RBFOX1: variants seen among roughly 807,000 people sequenced by gnomAD.
RBFOX1 encodes the protein RNA binding protein fox-1 homolog 1.
RBFOX1 carries 8 observed loss-of-function variants against 57.7 expected under a neutral mutation model. That is an observed-to-expected ratio of 0.14 (90% confidence interval 0.08 to 0.25). The LOEUF (loss-of-function observed/expected upper bound fraction) is 0.25, where lower values mean the gene tolerates loss of function less well. RBFOX1 is among the 10% of genes least tolerant of loss of function. The pLI, the probability that RBFOX1 is intolerant of heterozygous loss-of-function variation, is 1.00. For missense variants in RBFOX1, 611 were observed against 548.5 expected, an observed-to-expected ratio of 1.11 and a Z score of -1.14; for synonymous variants, 326 against 222.4, an observed-to-expected ratio of 1.47 and a Z score of -4.15.
chr16:6,018,370 C>T (rs1007073863), upstream of RBFOX1, among the ~76,000 whole-genome samples: 1 of 152,134 alleles, frequency 6.6e-6, no homozygotes, highest in Admixed American at 6.5e-5. Context: ...GAAAAGACTC[C>T]ATGTAAAGTG....
At chr16:5,540,413 C>T (rs953406024) in intron 2 of RBFOX1, among the ~76,000 whole-genome samples, 1 of 152,140 alleles carries the variant, frequency 6.6e-6, no homozygotes, top group African/African-American at 2.4e-5. Flanking sequence ...ACAGAATTTT[C>T]GTTTGTTGGT....
intron 2 of RBFOX1, among the ~76,000 whole-genome samples, chr16:6,410,081 C>G (rs568634123): frequency 6.6e-6 from 1 of 152,152 alleles, no homozygotes; most frequent in Admixed American, 6.5e-5. Flanking sequence ...AGAACCATCT[C>G]ACATTCCTGG....
rs990018127 is a variant in RBFOX1, at chr16:6,355,525, A to G, written c.-64+38468A>G. On this transcript the variant is annotated intron_variant, in intron 2 of 15. Transcript: ENST00000550418. ...TATGTGTGCCACATTTTCTTCATCC[A>G]GTCTATTATTGAGGGACATTTGGGT... is the stretch of plus-strand genomic sequence containing the variant. Among the ~76,000 whole-genome samples, 12 of 152,276 alleles carry G rather than the reference A, an allele frequency of 7.9e-5. No homozygotes were observed. The East Asian group carries it at 2.1e-3, about 27-fold the overall frequency.
At chr16:6,727,546 G>C (rs1350705319) in intron 3 of RBFOX1, among the ~76,000 whole-genome samples, 2 of 152,092 alleles carry the variant, frequency 1.3e-5, no homozygotes, top group Non-Finnish European at 2.9e-5. Context: ...TTAATGAGGG[G>C]AGAGGGAACC....
At chr16:7,439,284 C>T (rs889518487) in intron 4 of RBFOX1, among the ~76,000 whole-genome samples, 10 of 151,514 alleles carry the variant, frequency 6.6e-5, no homozygotes, top group South Asian at 2.1e-4. Flanking sequence ...GTGCCAGTGA[C>T]GGTGATTTGA....
rs536696543 is a variant in RBFOX1 at position 6,961,336 on chromosome 16, C to T, written c.-15-90721C>T. 3.9e-5 allele frequency among the ~76,000 whole-genome samples: 6 copies of T among 152,260 alleles called. No homozygotes were observed. The East Asian group carries it at 9.7e-4, about 25-fold the overall frequency. ...GGCCATGCAAGTGGAGCCCCTGGGT[C>T]CCTGCGTCCACTCCAGACCGTGTTC... On this transcript the variant is annotated intron_variant, in intron 3 of 15. Coordinates refer to ENST00000550418, the MANE Select transcript of RBFOX1 (RefSeq NM_018723.4).
chr16:5,528,883 C>G (rs1402994648), intron 2 of RBFOX1, among the ~76,000 whole-genome samples: 3 of 152,138 alleles, frequency 2.0e-5, no homozygotes, highest in African/African-American at 4.8e-5. Context: ...CTCCTGAGCT[C>G]AAGTGATCCA....
At chr16:6,751,966 C>A (rs1206460067) in intron 3 of RBFOX1, among the ~76,000 whole-genome samples, 1 of 152,070 alleles carries the variant, frequency 6.6e-6, no homozygotes, top group Non-Finnish European at 1.5e-5. Flanking sequence ...GATTTTATGT[C>A]CTTGCCCTCA....
At chr16:7,703,018 T>G (rs1397280050) in intron 14 of RBFOX1, among the ~76,000 whole-genome samples, 1 of 152,206 alleles carries the variant, frequency 6.6e-6, no homozygotes, top group African/African-American at 2.4e-5. Context: ...GCAGAACTGC[T>G]AAATCTCATT....
chr16:7,047,550 CTT>C (rs2048389543), intron 3 of RBFOX1, among the ~76,000 whole-genome samples: 4 of 150,654 alleles, frequency 2.7e-5, no homozygotes, highest in African/African-American at 9.7e-5. Context: ...GATTTTAACT[CTT>C]TTAGTTCCTT....
chr16:7,518,164 C>G lies in RBFOX1; in HGVS notation c.45C>G (p.Ala15=). ...TTTTTCAGGGTAATCAGGAAGCAGCCGCTGCCCCTGACACAATGGCTCAGC... is the reference window on the plus strand; with the variant it reads ...TTTTTCAGGGTAATCAGGAAGCAGCGGCTGCCCCTGACACAATGGCTCAGC... The part of the protein sequence containing the change: ...REQLRGNQEA[A]AAPDTMAQPY... The change falls in exon 5 of 16, where the codon GCC becomes GCG. Residue 15 remains alanine, a synonymous_variant. Transcript: ENST00000550418. 1.9e-6 allele frequency: 3 copies of G among 1,612,078 alleles called. No individual in the cohort carries two copies. The South Asian group carries it at 3.3e-5, about 18-fold the overall frequency.
At chr16:5,386,419 G>C (rs1323371101) in intron 1 of RBFOX1, among the ~76,000 whole-genome samples, 1 of 152,112 alleles carries the variant, frequency 6.6e-6, no homozygotes, top group East Asian at 1.9e-4. Flanking sequence ...TCACTGCTGA[G>C]CCACGCAAGA....
At chr16:6,850,815 C>G (rs565287407) in intron 3 of RBFOX1, among the ~76,000 whole-genome samples, 3 of 152,310 alleles carry the variant, frequency 2.0e-5, no homozygotes, top group South Asian at 4.1e-4. Context: ...AATCATCTCT[C>G]ATTTTCTTGT....
At chr16:7,122,544 C>T (rs963931778) in intron 4 of RBFOX1, among the ~76,000 whole-genome samples, 1 of 152,070 alleles carries the variant, frequency 6.6e-6, no homozygotes, top group East Asian at 1.9e-4. Flanking sequence ...CTAGTAGAGG[C>T]ATAAGATAAA....
intron 4 of RBFOX1, among the ~76,000 whole-genome samples, chr16:7,477,711 C>T (rs2063035013): frequency 6.6e-6 from 1 of 152,176 alleles, no homozygotes; most frequent in African/African-American, 2.4e-5. Flanking sequence ...GGACTAGCCT[C>T]AGACTTCAAG....
chr16:6,841,972 A>AT (rs2093488781), intron 3 of RBFOX1, among the ~76,000 whole-genome samples: 2 of 106,722 alleles, frequency 1.9e-5, no homozygotes, highest in African/African-American at 4.8e-5. Context: ...CCCCGTCTCT[A>AT]TTAAAAAAAA....
chr16:7,709,501 G>A, intron 15 of RBFOX1: 4 of 1,513,254 alleles, frequency 2.6e-6, no homozygotes, highest in Non-Finnish European at 2.6e-6. Context: ...TAGCCCCAAG[G>A]TTCCAGCCCC....
intron 2 of RBFOX1, among the ~76,000 whole-genome samples, chr16:6,516,169 C>G (rs2096374052): frequency 6.6e-6 from 1 of 152,150 alleles, no homozygotes; most frequent in Non-Finnish European, 1.5e-5. Flanking sequence ...GCTGGGATTA[C>G]AGGCATGTGC....
At chr16:5,996,952 C>G (rs1439753266) in intron 4 of RBFOX1, among the ~76,000 whole-genome samples, 1 of 152,172 alleles carries the variant, frequency 6.6e-6, no homozygotes, top group Non-Finnish European at 1.5e-5. Context: ...TCCAAACTGA[C>G]GAGCAAGCAC....
Sources: allele counts gnomAD v4.1 joint callset (sites outside exome capture counted in the v4.1 genomes callset), GRCh38; gene constraint gnomAD v4.1.1; transcripts MANE v1.5; gene names NCBI Gene and HGNC (gene_info 2026-07-23, HGNC 2026-07-21).